The following UNC13C variants were observed in gnomAD, a reference collection of about 807,000 sequenced individuals.
UNC13C encodes unc-13 homolog C, also known as protein unc-13 homolog C.
UNC13C carries 174 observed loss-of-function variants against 245.4 expected under a neutral mutation model. The observed-to-expected ratio is 0.71, with a 90% CI of 0.63 to 0.80. UNC13C has a LOEUF of 0.80. Ranked by LOEUF, UNC13C falls within the 30% of genes least tolerant of loss-of-function variation. UNC13C has a pLI of 0.00. For synonymous variants in UNC13C, 992 were observed against 895.1 expected (o/e 1.11, Z -1.93); for missense variants, 2,829 against 2,602.9 (o/e 1.09, Z -1.89).
At chr15:54,553,517 A>G (rs997784321) in intron 28 of UNC13C, among the ~76,000 whole-genome samples, 16 of 140,926 alleles carry the variant, frequency 1.1e-4, no homozygotes, top group African/African-American at 3.9e-4. Flanking sequence ...AATATATGCT[A>G]TATATAACAT....
Position 54,511,868 on chromosome 15 carries a change from C to T in UNC13C, c.5457+38C>T, listed in dbSNP as rs1000585809. 14 of 1,444,588 alleles carry T rather than the reference C, an allele frequency of 9.7e-6. No individual in the cohort carries two copies. In the Admixed American group the frequency reaches 2.0e-4, roughly 21 times the overall value. The allele number at this position is 1,444,588 out of a possible 1,614,324, so 89.5% of individuals were successfully genotyped here. ...TTCTCCTACATTTGCTAAAAACCTA[C>T]TTAGAGATTATTAGCAGCATATCTC... On this transcript the variant is annotated intron_variant, in intron 24 of 32. Transcript: ENST00000260323.
At chr15:54,250,478 C>T (rs981434292) in intron 8 of UNC13C, 34 bp downstream of exon 8, 1 of 1,553,044 alleles carries the variant, frequency 6.4e-7, no homozygotes, top group Non-Finnish European at 8.7e-7. Context: ...AAGTGGTATG[C>T]AGAGCCTGCC....
intron 32 of UNC13C, 27 bp from the exon 33 acceptor site, chr15:54,626,788 TAAAGTTTTTGCTC>T: frequency 6.4e-7 from 1 of 1,567,810 alleles, no homozygotes; most frequent in Non-Finnish European, 8.7e-7. Flanking sequence ...CTAGTGGAAG[TAAAGTTTTTGCTC>T]AAAATTTGTA....
chr15:54,439,542 A>G (rs1326291472), intron 19 of UNC13C, among the ~76,000 whole-genome samples: 2 of 152,000 alleles, frequency 1.3e-5, no homozygotes, highest in South Asian at 2.1e-4. Flanking sequence ...CTCTAGTCCT[A>G]CATAAGCATA....
At chr15:54,275,753 G>T (rs1443936941) in intron 10 of UNC13C, among the ~76,000 whole-genome samples, 33 of 152,016 alleles carry the variant, frequency 2.2e-4, no homozygotes, top group Admixed American at 2.2e-3. Context: ...CTTGGGAAAA[G>T]AATTCATTCC....
At chr15:54,038,124 A>ATATATATATTTTTTTT in intron 2 of UNC13C, among the ~76,000 whole-genome samples, 2 of 45,034 alleles carry the variant, frequency 4.4e-5, no homozygotes, top group African/African-American at 1.1e-4. Context: ...ATATATATAT[A>ATATATATATTTTTTTT]TTTTTTTTTT....
At chr15:54,560,329 A>G (rs1416544097) in intron 29 of UNC13C, among the ~76,000 whole-genome samples, 2 of 152,004 alleles carry the variant, frequency 1.3e-5, no homozygotes, top group Non-Finnish European at 2.9e-5. Flanking sequence ...TTCAATCTTG[A>G]AAAGTTTGAA....
In UNC13C at chr15:54,321,162, G is replaced by A. The variant is rs1185815036; in HGVS notation, c.4269-777G>A. The A allele has an allele frequency of 1.4e-5, 7 of 518,146 alleles. No homozygotes were observed. The East Asian group carries it at 3.8e-4, about 28-fold the overall frequency. 32.1% of individuals were successfully genotyped at this position (518,146 alleles called of 1,614,324 possible). The stretch of plus-strand genomic sequence containing the variant: ...CTGACAGGGCTTTTCTTACTTCACA[G>A]TTGTGGCCATTCACAGTAAGGTGTT... On this transcript the variant is annotated intron_variant, in intron 13 of 32. Coordinates refer to ENST00000260323, the MANE Select transcript of UNC13C (RefSeq NM_001080534.3).
intron 4 of UNC13C, among the ~76,000 whole-genome samples, chr15:54,202,710 G>T (rs1379977122): frequency 6.6e-6 from 1 of 151,796 alleles, no homozygotes; most frequent in Non-Finnish European, 1.5e-5. Context: ...AAACCATAAA[G>T]ATTCTAGAAG....
intron 10 of UNC13C, among the ~76,000 whole-genome samples, chr15:54,283,182 G>A (rs777007984): frequency 1.3e-5 from 2 of 152,046 alleles, no homozygotes. Flanking sequence ...TTTGAGGAGG[G>A]GTTTCACCTG....
intron 19 of UNC13C, among the ~76,000 whole-genome samples, chr15:54,444,331 C>G (rs577428370): frequency 5.0e-4 from 75 of 150,534 alleles, no homozygotes; most frequent in South Asian, 2.9e-3. Flanking sequence ...TATAATATGT[C>G]ATATATAGTC....
chr15:54,611,880 C>T (rs1370888740), intron 30 of UNC13C, among the ~76,000 whole-genome samples: 4 of 152,040 alleles, frequency 2.6e-5, no homozygotes, highest in Non-Finnish European at 5.9e-5. Context: ...AATGCTTCAT[C>T]AGGCTTACAC....
intron 4 of UNC13C, among the ~76,000 whole-genome samples, chr15:54,170,058 A>G (rs183430393): frequency 1.3e-5 from 2 of 151,194 alleles, no homozygotes; most frequent in African/African-American, 4.9e-5. Flanking sequence ...TATAAGAGAA[A>G]GAGAAATTTC....
At chr15:54,116,596 A>G (rs954497509) in intron 2 of UNC13C, among the ~76,000 whole-genome samples, 4 of 152,050 alleles carry the variant, frequency 2.6e-5, no homozygotes, top group East Asian at 3.9e-4. Context: ...TATTGTTGCA[A>G]ATAACAATAT....
At chr15:54,025,798 T>C (rs1457504142) in intron 2 of UNC13C, among the ~76,000 whole-genome samples, 1 of 152,208 alleles carries the variant, frequency 6.6e-6, no homozygotes, top group Non-Finnish European at 1.5e-5. Flanking sequence ...CATGATGATA[T>C]TACAGGCAAC....
In UNC13C at chr15:54,549,661, T is replaced by A; in HGVS notation, c.5847T>A (p.Ala1949=). ...QTGPQMIFIA[A]KDLGQLSKLK... is the part of the protein sequence containing the mutation. ...GACCCCAGATGATTTTCATTGCAGC[T>A]AAAGATCTTGGACAATTATCCAAAC... Residue 1949 remains alanine, a synonymous_variant, in exon 28 of 33, where the codon GCT becomes GCA. Coordinates refer to ENST00000260323, the MANE Select transcript of UNC13C (RefSeq NM_001080534.3). The A allele has an allele frequency of 6.2e-7, 1 of 1,604,198 alleles. No individual in the cohort carries two copies. Among genetic ancestry groups the A allele is most frequent in the South Asian group, 1.1e-5 (1 of 88,894 alleles).
At chr15:54,491,724 C>A (rs1191102494) in intron 19 of UNC13C, among the ~76,000 whole-genome samples, 2 of 152,086 alleles carry the variant, frequency 1.3e-5, no homozygotes, top group Non-Finnish European at 2.9e-5. Context: ...CACACCTGGC[C>A]GGGCACGGTG....
chr15:54,084,635 T>C (rs2163192), intron 2 of UNC13C, among the ~76,000 whole-genome samples: 149,686 of 152,264 alleles, frequency 0.98, 73,639 homozygotes, highest in Middle Eastern at 1. Context: ...CTATTAATAT[T>C]TACTTTAGTT....
the UNC13C span, among the ~76,000 whole-genome samples, chr15:53,873,534 T>C: frequency 1.3e-5 from 2 of 152,166 alleles, no homozygotes; most frequent in African/African-American, 4.8e-5. Context: ...TCCCCTCTTT[T>C]GGATTTTTTT....
Sources: gnomAD v4.1 joint callset for allele counts (sites outside exome capture counted in the v4.1 genomes callset) on GRCh38, gnomAD v4.1.1 for gene constraint, MANE v1.5 for transcripts, NCBI Gene and HGNC (gene_info 2026-07-23, HGNC 2026-07-21) for gene names.